Variants in ERC2 observed in about 807,000 individuals in gnomAD.
ERC2 encodes ERC protein 2.
A neutral mutation model predicts 114.8 loss-of-function variants in ERC2; 42 were observed. The observed-to-expected ratio is 0.37, with a 90% CI of 0.29 to 0.47. ERC2 has a LOEUF of 0.47. ERC2 is among the 20% of genes least tolerant of loss of function. ERC2 has a pLI of 0.99. For synonymous variants in ERC2, 454 were observed against 425.5 expected (o/e 1.07, Z -0.82); for missense variants, 939 against 1,150.7 (o/e 0.82, Z 2.66).
chr3:56,318,091 T>A (rs2056953578), intron 2 of ERC2, among the ~76,000 whole-genome samples: 1 of 152,238 alleles, frequency 6.6e-6, no homozygotes, highest in South Asian at 2.1e-4. Context: ...TAAATGTTTT[T>A]TGAGTGGATG....
chr3:55,753,494 A>T (rs2066854867), intron 14 of ERC2, among the ~76,000 whole-genome samples: 1 of 152,222 alleles, frequency 6.6e-6, no homozygotes. Flanking sequence ...ATCCCTACTC[A>T]CAAAGCTGTG....
intron 6 of ERC2, among the ~76,000 whole-genome samples, chr3:56,133,208 C>T (rs28485564): frequency 0.064 from 9,720 of 152,208 alleles, 421 homozygotes; most frequent in African/African-American, 0.12. Flanking sequence ...GAAGCTGAGG[C>T]GGGCAAATTG....
rs886714337 is a variant in ERC2 at position 55,737,350 on chromosome 3, C to T, written c.2565-2432G>A. Among the ~76,000 whole-genome samples, 4 of 152,208 alleles carry T rather than the reference C, an allele frequency of 2.6e-5. No individual in the cohort carries two copies. The East Asian group carries it at 7.7e-4, about 29-fold the overall frequency. On this transcript the variant is annotated intron_variant, in intron 14 of 17. Transcript: ENST00000288221. ...GCAGCAGCATTAATATCCAGCTTCA[C>T]AGAGCCTGTCTGCCTTTGGATAACA...
chr3:56,188,818 G>A (rs1011211360), intron 3 of ERC2, among the ~76,000 whole-genome samples: 17 of 152,148 alleles, frequency 1.1e-4, no homozygotes, highest in African/African-American at 3.9e-4. Flanking sequence ...TCATGCCTCC[G>A]TGACGCAGCT....
intron 17 of ERC2, among the ~76,000 whole-genome samples, chr3:55,667,926 G>A (rs926078812): frequency 6.6e-6 from 1 of 152,120 alleles, no homozygotes; most frequent in Non-Finnish European, 1.5e-5. Flanking sequence ...ATACTTCTTT[G>A]TCTTGCATCC....
chr3:56,081,028 G>T (rs2077204066), intron 6 of ERC2, 44 bp from the exon 7 acceptor site: 1 of 1,598,048 alleles, frequency 6.3e-7, no homozygotes, highest in South Asian at 1.1e-5. Context: ...TTACAGAAAG[G>T]TCATCAATAA....
intron 17 of ERC2, among the ~76,000 whole-genome samples, chr3:55,663,722 T>C (rs2061238190): frequency 6.6e-6 from 1 of 152,174 alleles, no homozygotes; most frequent in Non-Finnish European, 1.5e-5. Flanking sequence ...TAAAAAAATC[T>C]TTTTTTACTT....
intron 14 of ERC2, among the ~76,000 whole-genome samples, chr3:55,778,593 C>A (rs1170947524): frequency 6.6e-6 from 1 of 152,078 alleles, no homozygotes; most frequent in Non-Finnish European, 1.5e-5. Context: ...CCTAAATGAG[C>A]AAAGCTGTAA....
chr3:55,949,696 A>G (rs1409080340), intron 13 of ERC2, among the ~76,000 whole-genome samples: 1 of 152,242 alleles, frequency 6.6e-6, no homozygotes, highest in African/African-American at 2.4e-5. Flanking sequence ...GGAGAAAGAC[A>G]CTAATTAATA....
intron 14 of ERC2, among the ~76,000 whole-genome samples, chr3:55,756,653 C>G (rs1369403845): frequency 1.3e-5 from 2 of 152,122 alleles, no homozygotes; most frequent in African/African-American, 4.8e-5. Context: ...AAACACTGGC[C>G]CAAGCCATGA....
chr3:55,698,262 T>G (rs2063039162), intron 16 of ERC2, among the ~76,000 whole-genome samples: 2 of 151,990 alleles, frequency 1.3e-5, no homozygotes, highest in African/African-American at 4.8e-5. Context: ...CTGGGGAGCC[T>G]CCTGGTGCTG....
chr3:55,899,431 A>G (rs1188912485), intron 13 of ERC2, among the ~76,000 whole-genome samples: 1 of 152,236 alleles, frequency 6.6e-6, no homozygotes, highest in Non-Finnish European at 1.5e-5. Flanking sequence ...CACAATACAT[A>G]CATACACAAA....
chr3:55,779,600 A>T (rs1056358148), intron 14 of ERC2, among the ~76,000 whole-genome samples: 2 of 152,154 alleles, frequency 1.3e-5, no homozygotes, highest in African/African-American at 4.8e-5. Context: ...GGTCAATTCT[A>T]CTTGTGACTA....
intron 7 of ERC2, among the ~76,000 whole-genome samples, chr3:56,027,246 G>C (rs1457085664): frequency 6.6e-6 from 1 of 152,042 alleles, no homozygotes; most frequent in Non-Finnish European, 1.5e-5. Context: ...TTTTAGTTTG[G>C]GCTGTTACAA....
At position 55,756,291 on chromosome 3, in the gene ERC2, G is replaced by A. The variant is rs149775244; in HGVS notation, c.2565-21373C>T. On this transcript the variant is annotated intron_variant, in intron 14 of 17. Coordinates refer to ENST00000288221, the MANE Select transcript of ERC2 (RefSeq NM_015576.3). ...TTTTTGTACCTACATAATAGAAGGC[G>A]CTGATAATTATTAAAACTGGGGGTA... 3.5e-3 allele frequency among the ~76,000 whole-genome samples: 536 copies of A among 152,130 alleles called. 2 individuals are homozygous for A. Among genetic ancestry groups the A allele is most frequent in the African/African-American group, 0.012 (503 of 41,502 alleles).
intron 14 of ERC2, among the ~76,000 whole-genome samples, chr3:55,880,521 G>A (rs2063066319): frequency 6.6e-6 from 1 of 152,116 alleles, no homozygotes; most frequent in African/African-American, 2.4e-5. Flanking sequence ...ACCAAAATTG[G>A]TTTTGAATGA....
intron 10 of ERC2, among the ~76,000 whole-genome samples, chr3:55,995,409 C>G (rs1039944794): frequency 2.6e-5 from 4 of 152,176 alleles, no homozygotes; most frequent in Non-Finnish European, 4.4e-5. Flanking sequence ...CTCTCTATCT[C>G]TATATCAATA....
At chr3:55,739,711 G>A (rs1035651893) in intron 14 of ERC2, among the ~76,000 whole-genome samples, 1 of 152,064 alleles carries the variant, frequency 6.6e-6, no homozygotes, top group Non-Finnish European at 1.5e-5. Flanking sequence ...TAGGTTGCCT[G>A]TTCACTCTGA....
chr3:55,864,265 GTGTA>G (rs1465231679), intron 14 of ERC2, among the ~76,000 whole-genome samples: 1 of 148,608 alleles, frequency 6.7e-6, no homozygotes, highest in Non-Finnish European at 1.5e-5. Flanking sequence ...ATATGTGTGT[GTGTA>G]TGTGTGTGTT....
Sources: gnomAD v4.1 joint callset for allele counts (sites outside exome capture counted in the v4.1 genomes callset) on GRCh38, gnomAD v4.1.1 for gene constraint, MANE v1.5 for transcripts, NCBI Gene and HGNC (gene_info 2026-07-23, HGNC 2026-07-21) for gene names.